The following ATP9B variants were observed in gnomAD, a reference collection of about 807,000 sequenced individuals.
ATP9B encodes ATPase phospholipid transporting 9B.
A neutral mutation model predicts 146.1 loss-of-function variants in ATP9B; 110 were observed. The ratio of observed to expected loss-of-function variants is 0.75; its 90% CI spans 0.65 to 0.88. ATP9B has a LOEUF of 0.88. Ranked by LOEUF, ATP9B falls within the 40% of genes least tolerant of loss-of-function variation. The pLI is 0.00. For synonymous variants in ATP9B, 604 were observed against 569.7 expected (o/e 1.06, Z -0.86); for missense variants, 1,499 against 1,496.4 (o/e 1.00, Z -0.03).
intron 1 of ATP9B, among the ~76,000 whole-genome samples, chr18:79,081,078 T>G (rs1182193699): frequency 6.6e-6 from 1 of 152,142 alleles, no homozygotes; most frequent in East Asian, 1.9e-4. Flanking sequence ...GCCTGAAATT[T>G]TCTTTTTTTG....
At chr18:79,081,253 C>CT (rs1306942131) in intron 1 of ATP9B, among the ~76,000 whole-genome samples, 1 of 151,900 alleles carries the variant, frequency 6.6e-6, no homozygotes, top group African/African-American at 2.4e-5. Flanking sequence ...TGGTCGTGGG[C>CT]TTTTTTTGGT....
At chr18:79,266,374 AT>A (rs2096204040) in intron 12 of ATP9B, among the ~76,000 whole-genome samples, 1 of 151,732 alleles carries the variant, frequency 6.6e-6, no homozygotes, top group South Asian at 2.1e-4. Context: ...GGTGTATTAA[AT>A]TTTTTCTATA....
intron 7 of ATP9B, among the ~76,000 whole-genome samples, chr18:79,165,329 T>G (rs1048519422): frequency 1.3e-5 from 2 of 152,178 alleles, no homozygotes; most frequent in African/African-American, 4.8e-5. Context: ...TGTTGGTGCT[T>G]TGGGCCCAAT....
chr18:79,318,675 G>A (rs565836552), intron 15 of ATP9B, among the ~76,000 whole-genome samples: 1 of 152,342 alleles, frequency 6.6e-6, no homozygotes, highest in Non-Finnish European at 1.5e-5. Context: ...TTGACAACTT[G>A]AAGAAACACT....
intron 4 of ATP9B, among the ~76,000 whole-genome samples, chr18:79,122,380 G>A (rs1444219129): frequency 1.3e-5 from 2 of 152,068 alleles, no homozygotes; most frequent in African/African-American, 4.8e-5. Context: ...TATTTTTCAT[G>A]TTACTAAAAT....
intron 13 of ATP9B, among the ~76,000 whole-genome samples, chr18:79,301,919 G>C (rs563290613): frequency 6.6e-6 from 1 of 152,150 alleles, no homozygotes; most frequent in African/African-American, 2.4e-5. Context: ...GAAAGTAAGC[G>C]CTGTGTCCTG....
At chr18:79,148,696 G>A (rs1039655387) in intron 6 of ATP9B, among the ~76,000 whole-genome samples, 6 of 152,176 alleles carry the variant, frequency 3.9e-5, no homozygotes, top group African/African-American at 1.4e-4. Context: ...TTACTCAATG[G>A]CACTTCTAGT....
At position 79,166,912 on chromosome 18, in the gene ATP9B, G is replaced by A. The variant is rs531732784; in HGVS notation, c.779-9901G>A. Among the ~76,000 whole-genome samples, 11 of 152,192 alleles carry A rather than the reference G, an allele frequency of 7.2e-5. No homozygotes were observed. The East Asian group carries it at 1.5e-3, about 21-fold the overall frequency. On this transcript the variant is annotated intron_variant, in intron 7 of 29. Coordinates refer to ENST00000426216, the MANE Select transcript of ATP9B (RefSeq NM_198531.5). ...AGTGGCAAGGTGTGTGTGAGCGAGC[G>A]TGGGATCTGGCCACTGCACACAGCC...
At chr18:79,187,814 A>G (rs2095322852) in intron 8 of ATP9B, among the ~76,000 whole-genome samples, 1 of 152,224 alleles carries the variant, frequency 6.6e-6, no homozygotes, top group South Asian at 2.1e-4. Flanking sequence ...TTGTATGGTA[A>G]TGACTCACAT....
chr18:79,197,734 C>T (rs1297954334), intron 9 of ATP9B, among the ~76,000 whole-genome samples: 2 of 152,100 alleles, frequency 1.3e-5, no homozygotes, highest in African/African-American at 4.8e-5. Flanking sequence ...AAACCCAATA[C>T]CAGGTGTGAC....
chr18:79,198,365 A>T (rs2095435846), intron 9 of ATP9B, among the ~76,000 whole-genome samples: 1 of 152,260 alleles, frequency 6.6e-6, no homozygotes, highest in South Asian at 2.1e-4. Context: ...TACTTATAGT[A>T]ATATCACACA....
intron 26 of ATP9B, 75 bp downstream of exon 26, chr18:79,359,537 C>A: frequency 8.7e-7 from 1 of 1,147,748 alleles, no homozygotes; most frequent in South Asian, 1.3e-5. Context: ...GAGAAACAGG[C>A]CAGTCAGGAG....
intron 26 of ATP9B, among the ~76,000 whole-genome samples, chr18:79,366,927 A>C (rs1227546755): frequency 6.6e-6 from 1 of 152,268 alleles, no homozygotes; most frequent in East Asian, 1.9e-4. Context: ...TGAGCCTCCC[A>C]CGGGCTAGCA....
chr18:79,327,990 C>T (rs304917), intron 15 of ATP9B, among the ~76,000 whole-genome samples: 3 of 107,060 alleles, frequency 2.8e-5, no homozygotes, highest in South Asian at 3.4e-4. Flanking sequence ...CTCTGGTTAG[C>T]GTGCTCTCCG....
intron 16 of ATP9B, among the ~76,000 whole-genome samples, chr18:79,329,658 C>G (rs1455986649): frequency 6.6e-6 from 1 of 152,138 alleles, no homozygotes; most frequent in African/African-American, 2.4e-5. Flanking sequence ...CCAAAACGTA[C>G]CTTAATTTTT....
At chr18:79,143,350 A>G (rs963218093) in intron 5 of ATP9B, among the ~76,000 whole-genome samples, 2 of 152,198 alleles carry the variant, frequency 1.3e-5, no homozygotes, top group African/African-American at 4.8e-5. Flanking sequence ...TGGTAAAGCT[A>G]TTGATAGAGG....
At chr18:79,076,578 AT>A (rs35913795) in intron 1 of ATP9B, among the ~76,000 whole-genome samples, 20,157 of 151,776 alleles carry the variant, frequency 0.13, 1,947 homozygotes, top group African/African-American at 0.27. Context: ...ACTTTCAAGC[AT>A]TTTTTTTAAG....
intron 2 of ATP9B, among the ~76,000 whole-genome samples, chr18:79,107,449 G>C (rs2075727512): frequency 6.6e-6 from 1 of 152,156 alleles, no homozygotes. Flanking sequence ...AGCTACTGTT[G>C]GGAGGAGGGT....
At chr18:79,374,133 T>A (rs1568868355) in intron 28 of ATP9B, 32 bp downstream of exon 28, 1 of 1,597,794 alleles carries the variant, frequency 6.3e-7, no homozygotes, top group Non-Finnish European at 8.6e-7. Flanking sequence ...TTTTGAATCG[T>A]TCTCTATTCA....
Sources: allele counts gnomAD v4.1 joint callset (sites outside exome capture counted in the v4.1 genomes callset), GRCh38; gene constraint gnomAD v4.1.1; transcripts MANE v1.5; gene names NCBI Gene and HGNC (gene_info 2026-07-23, HGNC 2026-07-21).